DCDC1: variants seen among roughly 807,000 people sequenced by gnomAD.
DCDC1 encodes the protein doublecortin domain-containing protein 1.
In DCDC1, 200 loss-of-function variants were observed where a neutral mutation model predicts 178.3. That is an observed-to-expected ratio of 1.12 (90% CI 1.00 to 1.26). DCDC1 has a LOEUF of 1.26. Among genes scored for constraint, DCDC1 ranks in the 50% most tolerant of loss-of-function variants. The probability of loss-of-function intolerance (pLI) is 0.00; values close to 1 mark genes in which losing one functional copy is unlikely to be tolerated. For missense variants in DCDC1, 1,983 were observed against 1,749.2 expected, an observed-to-expected ratio of 1.13 and a Z score of -2.38; for synonymous variants, 690 against 604.8, an observed-to-expected ratio of 1.14 and a Z score of -2.07.
At chr11:31,203,794 A>G (rs573917470) in intron 9 of DCDC1, among the ~76,000 whole-genome samples, 1 of 152,342 alleles carries the variant, frequency 6.6e-6, no homozygotes, top group Admixed American at 6.5e-5. Context: ...CACTCATTCT[A>G]TTAAAGACAA....
intron 15 of DCDC1, among the ~76,000 whole-genome samples, chr11:31,098,804 T>C (rs1958318124): frequency 6.6e-6 from 1 of 152,226 alleles, no homozygotes; most frequent in East Asian, 1.9e-4. Context: ...TCTGAAAGGA[T>C]TTTAAAGGCT....
intron 27 of DCDC1, 50 bp from the exon 28 acceptor site, chr11:30,911,470 A>T (rs1306994003): frequency 2.8e-6 from 4 of 1,429,560 alleles, no homozygotes; most frequent in Non-Finnish European, 3.9e-6. Context: ...ACCAGATTAG[A>T]TCTCCCTCTG....
At chr11:31,033,035 T>G (rs1474955657) in intron 20 of DCDC1, among the ~76,000 whole-genome samples, 1 of 152,106 alleles carries the variant, frequency 6.6e-6, no homozygotes, top group Non-Finnish European at 1.5e-5. Flanking sequence ...CTTCCAGCAA[T>G]TCCATCCCAG....
intron 8 of DCDC1, among the ~76,000 whole-genome samples, chr11:31,264,250 A>G (rs1181664071): frequency 6.6e-6 from 1 of 152,148 alleles, no homozygotes; most frequent in East Asian, 1.9e-4. Flanking sequence ...TAGGAGAGTG[A>G]TATAGGATTC....
At chr11:30,871,188 C>CCGTTA (rs1290817270) in intron 38 of DCDC1, among the ~76,000 whole-genome samples, 1 of 152,080 alleles carries the variant, frequency 6.6e-6, no homozygotes, top group Non-Finnish European at 1.5e-5. Flanking sequence ...AGCCGTTAAG[C>CCGTTA]AACAGAAGCC....
chr11:31,003,946 T>C (rs1279294884), intron 20 of DCDC1, among the ~76,000 whole-genome samples: 1 of 152,090 alleles, frequency 6.6e-6, no homozygotes, highest in Non-Finnish European at 1.5e-5. Context: ...CATGAGGAGA[T>C]GGTACGAATG....
intron 9 of DCDC1, among the ~76,000 whole-genome samples, chr11:31,196,252 C>T (rs1218602999): frequency 6.6e-6 from 1 of 151,944 alleles, no homozygotes; most frequent in African/African-American, 2.4e-5. Context: ...ACACTTCTGA[C>T]AGCAAACGTG....
intron 20 of DCDC1, among the ~76,000 whole-genome samples, chr11:30,969,058 T>C (rs1358279969): frequency 6.6e-6 from 1 of 152,100 alleles, no homozygotes; most frequent in Non-Finnish European, 1.5e-5. Context: ...ATAATGATTC[T>C]TTTTTGGCCA....
At chr11:30,866,054 C>T (rs1427230074) in intron 38 of DCDC1, among the ~76,000 whole-genome samples, 1 of 152,096 alleles carries the variant, frequency 6.6e-6, no homozygotes, top group Admixed American at 6.5e-5. Flanking sequence ...TGAAGTCACA[C>T]TAGACTAGGG....
intron 9 of DCDC1, among the ~76,000 whole-genome samples, chr11:31,143,988 A>C (rs1044006520): frequency 1.3e-5 from 2 of 152,206 alleles, no homozygotes; most frequent in Non-Finnish European, 2.9e-5. Flanking sequence ...AAAAGAAACC[A>C]CCATAATATT....
intron 21 of DCDC1, among the ~76,000 whole-genome samples, chr11:30,941,556 A>C (rs1487488674): frequency 6.6e-6 from 1 of 152,154 alleles, no homozygotes; most frequent in Non-Finnish European, 1.5e-5. Flanking sequence ...ATATCACCTC[A>C]ATGAAGCCTT....
rs1262427987 is a variant in DCDC1, at chr11:30,908,920, A to T, written c.3918+26T>A. The T allele has an allele frequency of 7.7e-6, 12 of 1,552,444 alleles. No homozygotes were observed. The African/African-American group carries it at 8.3e-5, about 11-fold the overall frequency. ...CTCTCTTTTACCCTATTTTTCTTTT[A>T]TCTTTGAGAGGAAGGAACCACTTAC... On this transcript the variant is annotated intron_variant, in intron 29 of 38. Transcript: ENST00000684477.
intron 3 of DCDC1, among the ~76,000 whole-genome samples, chr11:31,308,253 G>A (rs1948577412): frequency 6.6e-6 from 1 of 152,132 alleles, no homozygotes; most frequent in Non-Finnish European, 1.5e-5. Context: ...AAGGAAGCTT[G>A]CATAATGTTT....
chr11:31,343,109 A>G (rs1194565466), intron 1 of DCDC1, among the ~76,000 whole-genome samples: 2 of 152,144 alleles, frequency 1.3e-5, no homozygotes, highest in African/African-American at 2.4e-5. Context: ...CTACAAATAA[A>G]AAATTTTAAA....
At chr11:31,193,091 T>C (rs1970304576) in intron 9 of DCDC1, among the ~76,000 whole-genome samples, 1 of 152,040 alleles carries the variant, frequency 6.6e-6, no homozygotes, top group African/African-American at 2.4e-5. Context: ...AGTTACACCA[T>C]TGTCTCTGCT....
At chr11:31,263,166 T>C (rs1944908164) in intron 8 of DCDC1, 4 of 1,293,034 alleles carry the variant, frequency 3.1e-6, no homozygotes, top group Admixed American at 2.0e-5. Flanking sequence ...AGATCCCTTA[T>C]AGTTTCAATT....
intron 18 of DCDC1, among the ~76,000 whole-genome samples, chr11:31,070,987 T>C (rs770707028): frequency 1.1e-4 from 16 of 152,192 alleles, no homozygotes; most frequent in Non-Finnish European, 2.4e-4. Flanking sequence ...CTCTTTTTTC[T>C]TATTATTATA....
intron 20 of DCDC1, among the ~76,000 whole-genome samples, chr11:30,978,828 C>CA (rs1565147912): frequency 0.012 from 1,567 of 127,098 alleles, 32 homozygotes; most frequent in Middle Eastern, 0.029. Context: ...ACACACACAC[C>CA]CCCTTCTCAG....
At chr11:30,972,531 C>A (rs377009342) in intron 20 of DCDC1, among the ~76,000 whole-genome samples, 31 of 152,004 alleles carry the variant, frequency 2.0e-4, no homozygotes, top group African/African-American at 7.2e-4. Flanking sequence ...AAGTATAAAA[C>A]CCACTGGTAG....
Sources: allele counts gnomAD v4.1 joint callset (sites outside exome capture counted in the v4.1 genomes callset), GRCh38; gene constraint gnomAD v4.1.1; transcripts MANE v1.5; gene names NCBI Gene and HGNC (gene_info 2026-07-23, HGNC 2026-07-21).